Variants in TTLL9 observed in about 807,000 individuals in gnomAD.
TTLL9 encodes the protein tubulin tyrosine ligase like 9.
In TTLL9, 47 loss-of-function variants were observed where a neutral mutation model predicts 65.6. The ratio of observed to expected loss-of-function variants is 0.72; its 90% CI spans 0.57 to 0.91. The LOEUF (loss-of-function observed/expected upper bound fraction) is 0.91. Among genes scored for constraint, TTLL9 ranks in the 40% least tolerant of loss-of-function variants. The pLI is 0.00. For missense variants in TTLL9, 537 were observed against 568.8 expected, an observed-to-expected ratio of 0.94 and a Z score of 0.57; for synonymous variants, 179 against 204.8, an observed-to-expected ratio of 0.87 and a Z score of 1.07.
At chr20:31,941,833 C>T (rs1245450987) in intron 14 of TTLL9, among the ~76,000 whole-genome samples, 6 of 152,242 alleles carry the variant, frequency 3.9e-5, no homozygotes, top group Admixed American at 3.3e-4. Flanking sequence ...ATTCCTGTTT[C>T]AAGTGTTTGG....
At chr20:31,874,554 G>C (rs1221245384) in intron 2 of TTLL9, among the ~76,000 whole-genome samples, 3 of 151,982 alleles carry the variant, frequency 2.0e-5, no homozygotes, top group African/African-American at 7.3e-5. Context: ...TGGGACTACA[G>C]GTGCCCACCC....
At chr20:31,892,330 C>A (rs992593018) in intron 3 of TTLL9, among the ~76,000 whole-genome samples, 1 of 151,550 alleles carries the variant, frequency 6.6e-6, no homozygotes, top group Non-Finnish European at 1.5e-5. Flanking sequence ...CAGGCCATCA[C>A]GCCTGGCTAA....
At chr20:31,884,744 T>C (rs2063165126) in intron 2 of TTLL9, among the ~76,000 whole-genome samples, 1 of 152,240 alleles carries the variant, frequency 6.6e-6, no homozygotes, top group Admixed American at 6.5e-5. Context: ...TTCTTCCACA[T>C]TTAAGGATCC....
At chr20:31,936,905 G>C (rs1030512998) in intron 12 of TTLL9, among the ~76,000 whole-genome samples, 2 of 152,014 alleles carry the variant, frequency 1.3e-5, no homozygotes, top group East Asian at 1.9e-4. Flanking sequence ...AGACCAGCTC[G>C]ACCAACATGG....
At chr20:31,941,226 G>GAAAAAAAAA (rs138767749) in intron 14 of TTLL9, 3 of 108,046 alleles carry the variant, frequency 2.8e-5, no homozygotes, top group Non-Finnish European at 5.9e-5. Flanking sequence ...CACAGAAAAA[G>GAAAAAAAAA]AAAAAAAAAA....
intron 2 of TTLL9, among the ~76,000 whole-genome samples, chr20:31,874,535 A>C (rs1489272196): frequency 6.6e-6 from 1 of 151,082 alleles, no homozygotes; most frequent in Non-Finnish European, 1.5e-5. Flanking sequence ...CCTCAGCCTC[A>C]AGAGCAGCTG....
chr20:31,911,714 A>AAC (rs2123512953), intron 6 of TTLL9, among the ~76,000 whole-genome samples: 1 of 152,318 alleles, frequency 6.6e-6, no homozygotes, highest in South Asian at 2.1e-4. Flanking sequence ...GCTAATTGGG[A>AAC]ACAGCACTTG....
At chr20:31,913,925 G>A (rs1317506640) in intron 6 of TTLL9, among the ~76,000 whole-genome samples, 2 of 152,328 alleles carry the variant, frequency 1.3e-5, no homozygotes, top group African/African-American at 4.8e-5. Flanking sequence ...GCCTCGTGGT[G>A]CGGGGAGGCG....
intron 3 of TTLL9, among the ~76,000 whole-genome samples, chr20:31,895,527 ATTTTTATTTTTTTAC>A (rs1817663445): frequency 6.6e-6 from 1 of 151,982 alleles, no homozygotes; most frequent in African/African-American, 2.4e-5. Context: ...CTGGCTCTGT[ATTTTTATTTTTTTAC>A]TTTTTATTTT....
rs1358757381 is a variant in TTLL9 at position 31,908,706 on chromosome 20, A to T, written c.318+4A>T. 6.2e-7 allele frequency: 1 copy of T among 1,612,602 alleles called. No homozygotes were observed. The highest frequency in any genetic ancestry group is 8.5e-7 in the Non-Finnish European group (1 of 1,178,838). On this transcript the variant is annotated splice_donor_region_variant and intron_variant, in intron 5 of 14. Coordinates refer to ENST00000535842, the MANE Select transcript of TTLL9 (RefSeq NM_001008409.5). The stretch of plus-strand genomic sequence containing the variant: ...TCACTTCCGGAACCACTATGAGGTG[A>T]GCTGGGCAGGCGGGAGGGACTGTGC...
At chr20:31,922,846 C>A in intron 7 of TTLL9, 117 bp from the exon 8 acceptor site, 1 of 757,160 alleles carries the variant, frequency 1.3e-6, no homozygotes, top group Non-Finnish European at 2.2e-6. Flanking sequence ...TAGTACTTAC[C>A]TGACAGGGTT....
chr20:31,933,807 C>T lies in TTLL9; in HGVS notation c.756C>T (p.His252=). 1 of 1,614,112 alleles carries T rather than the reference C, an allele frequency of 6.2e-7. No individual in the cohort carries two copies. Among genetic ancestry groups the T allele is most frequent in the Non-Finnish European group, 8.5e-7 (1 of 1,179,942 alleles). ...LWSGHRRQDV[H]LTNVAVQKTS... Reference sequence around the variant, plus strand: ...ACCACCACCCTCTCCCAGATGTTCACCTCACCAACGTGGCTGTGCAAAAAA... The same window carrying T: ...ACCACCACCCTCTCCCAGATGTTCATCTCACCAACGTGGCTGTGCAAAAAA... Residue 252 remains histidine (H), a synonymous_variant, in exon 11 of 15, where the codon CAC becomes CAT. Transcript: ENST00000535842.
At position 31,870,838 on chromosome 20, in the gene TTLL9, CG is replaced by C; in HGVS notation, c.-112del. ...TCTGCCTGGACGTCCCTGCGGGCCC[CG>C]GGGGAAAGCACCCAACTTCTCCCGC... On this transcript the variant is annotated 5_prime_UTR_variant, in exon 1 of 15. The change creates a premature stop within an existing upstream ORF in the 5' untranslated region. Coordinates refer to ENST00000535842, the MANE Select transcript of TTLL9 (RefSeq NM_001008409.5). This position sits in a 1 kb window ranked among gnomAD's most constrained non-coding sequence, Gnocchi z 6.6. 1.1e-5 allele frequency: 6 copies of C among 539,242 alleles called. No homozygotes were observed. Among genetic ancestry groups the C allele is most frequent in the East Asian group, 3.1e-5 (1 of 32,118 alleles). 33.4% of individuals were successfully genotyped at this position (539,242 alleles called of 1,614,324 possible). A position where few individuals can be genotyped will look rare whatever the true frequency, so the allele number is the denominator to read the frequency against.
In TTLL9 at chr20:31,908,591, C is replaced by T. The variant is rs199888998; in HGVS notation, c.207C>T (p.Asp69=). 1.3e-4 allele frequency: 207 copies of T among 1,610,386 alleles called. No individual in the cohort carries two copies. The highest frequency in any genetic ancestry group is 4.7e-4 in the Admixed American group (28 of 60,014). Reference sequence around the variant, plus strand: ...ATCCCCGCCCCCACCCCACCCCCAGCGAAGGGGAGTGGGATTTCTACTGGT... The same window carrying T: ...ATCCCCGCCCCCACCCCACCCCCAGTGAAGGGGAGTGGGATTTCTACTGGT... The part of the protein sequence containing the change: ...RHRPGWVEVK[D]EGEWDFYWCD... The change falls in exon 5 of 15, where the codon GAC becomes GAT. Residue 69 remains aspartate, a splice_region_variant and synonymous_variant. Transcript: ENST00000535842.
At position 31,933,878 on chromosome 20, in the gene TTLL9, C is replaced by G; in HGVS notation, c.807+20C>G. The G allele has an allele frequency of 6.2e-7, 1 of 1,611,680 alleles. No individual in the cohort carries two copies. The highest frequency in any genetic ancestry group is 8.5e-7 in the Non-Finnish European group (1 of 1,178,806). ...AAGAAGGTGAGGAAGCCGGGCTCGG[C>G]TATGCACGGGTACAGCCCTCTGGCG... On this transcript the variant is annotated intron_variant, in intron 11 of 14. Transcript: ENST00000535842.
At chr20:31,909,591 T>G (rs2123504540) in intron 5 of TTLL9, 146 bp from the exon 6 acceptor site, 2 of 672,392 alleles carry the variant, frequency 3.0e-6, no homozygotes, top group East Asian at 2.7e-5. Context: ...ACTAGCAAGC[T>G]CTTTCTGGGT....
intron 3 of TTLL9, among the ~76,000 whole-genome samples, chr20:31,891,452 C>T (rs2123438598): frequency 6.6e-6 from 1 of 151,326 alleles, no homozygotes; most frequent in African/African-American, 2.4e-5. Flanking sequence ...TTTAGTAGTT[C>T]ATGTTGTCTC....
At chr20:31,933,721 C>T (rs2064057658) in intron 10 of TTLL9, 79 bp from the exon 11 acceptor site, 10 of 1,352,716 alleles carry the variant, frequency 7.4e-6, no homozygotes, top group Non-Finnish European at 9.2e-6. Flanking sequence ...CATCAATTCT[C>T]AGTTCAGTCC....
At chr20:31,909,385 G>A (rs761160901) in intron 5 of TTLL9, among the ~76,000 whole-genome samples, 11 of 151,858 alleles carry the variant, frequency 7.2e-5, no homozygotes, top group African/African-American at 1.5e-4. Context: ...CTTGTGATCC[G>A]CCCACCTTGG....
Sources: gnomAD v4.1 joint callset for allele counts (sites outside exome capture counted in the v4.1 genomes callset) on GRCh38, gnomAD v4.1.1 for gene constraint, Gnocchi (gnomAD v3.1) non-coding constraint, MANE v1.5 for transcripts, NCBI Gene and HGNC (gene_info 2026-07-23, HGNC 2026-07-21) for gene names.